Variants in SLCO2A1 observed in about 807,000 individuals in gnomAD.
The protein encoded by SLCO2A1 is matrin F/G 1.
Under a neutral mutation model 71.7 loss-of-function variants are expected in SLCO2A1, and 60 were observed. That is an observed-to-expected ratio of 0.84 (90% CI 0.68 to 1.04). The LOEUF is 1.04. Among genes scored for constraint, SLCO2A1 ranks in the 50% least tolerant of loss-of-function variants. The pLI is 0.00. For missense variants in SLCO2A1, 745 were observed against 813.4 expected, an observed-to-expected ratio of 0.92 and a Z score of 1.02; for synonymous variants, 308 against 326.7, an observed-to-expected ratio of 0.94 and a Z score of 0.62.
intron 1 of SLCO2A1, among the ~76,000 whole-genome samples, chr3:134,026,002 T>C (rs561153563): frequency 1.3e-5 from 2 of 152,268 alleles, no homozygotes; most frequent in East Asian, 3.9e-4. Flanking sequence ...GTTATGTATG[T>C]GGAGGAACTG....
intron 1 of SLCO2A1, among the ~76,000 whole-genome samples, chr3:134,008,927 G>C (rs771128539): frequency 9.9e-5 from 15 of 152,182 alleles, no homozygotes; most frequent in Non-Finnish European, 1.9e-4. Context: ...AATGCAGTGG[G>C]AACAGTGATG....
intron 1 of SLCO2A1, among the ~76,000 whole-genome samples, chr3:134,028,826 G>A (rs888061265): frequency 6.6e-6 from 1 of 152,220 alleles, no homozygotes; most frequent in Non-Finnish European, 1.5e-5. Context: ...TGTTACTTCT[G>A]CCTAGGCAGA....
At chr3:134,021,731 G>A (rs1935583913) in intron 1 of SLCO2A1, among the ~76,000 whole-genome samples, 1 of 151,676 alleles carries the variant, frequency 6.6e-6, no homozygotes, top group Non-Finnish European at 1.5e-5. Context: ...GTCAAAGAGA[G>A]AAAGAAAGAG....
intron 1 of SLCO2A1, among the ~76,000 whole-genome samples, chr3:134,002,221 A>T (rs774005449): frequency 2.6e-4 from 40 of 152,084 alleles, no homozygotes; most frequent in Non-Finnish European, 4.7e-4. Flanking sequence ...TGCTGTGAGC[A>T]CTCCTACAGA....
At chr3:134,007,977 G>A (rs1935252938) in intron 1 of SLCO2A1, among the ~76,000 whole-genome samples, 1 of 152,120 alleles carries the variant, frequency 6.6e-6, no homozygotes, top group African/African-American at 2.4e-5. Context: ...GTAGTAGGAG[G>A]GATTCCATGT....
At position 133,973,677 on chromosome 3, in the gene SLCO2A1, G is replaced by C; in HGVS notation, c.383C>G (p.Thr128Ser). 1.2e-6 allele frequency: 2 copies of C among 1,613,912 alleles called. No individual in the cohort carries two copies. The highest frequency in any genetic ancestry group is 1.7e-4 in the Middle Eastern group (1 of 5,972). Residue 128 changes from threonine to serine, a missense_variant, in exon 3 of 14, where the codon ACC becomes AGC. Transcript: ENST00000310926. ...AAGCCACTCACCAGTGCTGGCCAAG[G>C]TGTACTGGTAGGGCTCGGAGAGGAA... is the stretch of plus-strand genomic sequence containing the variant. ...PHFLSEPYQY[T>S]LASTGNNSRL...
At chr3:133,958,476 G>A (rs1933947085) in intron 3 of SLCO2A1, among the ~76,000 whole-genome samples, 1 of 152,204 alleles carries the variant, frequency 6.6e-6, no homozygotes. Flanking sequence ...GGCTATGCTG[G>A]TCTTTGGAGG....
intron 1 of SLCO2A1, among the ~76,000 whole-genome samples, chr3:134,013,197 T>C (rs975371701): frequency 4.6e-5 from 7 of 152,122 alleles, no homozygotes; most frequent in South Asian, 2.1e-4. Flanking sequence ...GCTCACTGAG[T>C]GAGTGAGGTC....
At chr3:134,009,795 A>C (rs1935294927) in intron 1 of SLCO2A1, among the ~76,000 whole-genome samples, 1 of 152,272 alleles carries the variant, frequency 6.6e-6, no homozygotes. Context: ...GTTATAAAGC[A>C]ATCAAATAGC....
At chr3:134,011,041 T>G (rs1935329514) in intron 1 of SLCO2A1, among the ~76,000 whole-genome samples, 1 of 152,148 alleles carries the variant, frequency 6.6e-6, no homozygotes, top group Non-Finnish European at 1.5e-5. Flanking sequence ...TGTCTGTTTT[T>G]TTTGTTTGTT....
chr3:133,940,643 A>G (rs1043212330), intron 11 of SLCO2A1, among the ~76,000 whole-genome samples: 3 of 152,156 alleles, frequency 2.0e-5, no homozygotes, highest in African/African-American at 4.8e-5. Context: ...CATCTGACCC[A>G]AGGTGCAAGA....
rs913791157 is a variant in SLCO2A1, at chr3:133,998,925, G to A, written c.97-19307C>T. 5 of 152,298 alleles carry A rather than the reference G, an allele frequency of 3.3e-5. No individual in the cohort carries two copies. The East Asian group carries it at 9.6e-4, about 29-fold the overall frequency. 9.4% of individuals were successfully genotyped at this position (152,298 alleles called of 1,614,324 possible). A position where few individuals can be genotyped will look rare whatever the true frequency, so the allele number is the denominator to read the frequency against. ...AGGTGGTGGCAGCTGTCACACTGAC[G>A]TTTTGCCATACCTCCATATCTGGAT... On this transcript the variant is annotated intron_variant, in intron 1 of 13. Transcript: ENST00000310926.
intron 11 of SLCO2A1, among the ~76,000 whole-genome samples, chr3:133,941,915 T>G (rs1933433377): frequency 6.6e-6 from 1 of 152,228 alleles, no homozygotes; most frequent in Non-Finnish European, 1.5e-5. Context: ...ATTTCCATGG[T>G]GTGGAGCCAG....
intron 3 of SLCO2A1, among the ~76,000 whole-genome samples, chr3:133,961,862 A>G (rs1685630112): frequency 6.6e-6 from 1 of 152,126 alleles, no homozygotes; most frequent in Non-Finnish European, 1.5e-5. Flanking sequence ...ACACATATAA[A>G]AAAGGGAACA....
At position 133,962,634 on chromosome 3, in the gene SLCO2A1, G is replaced by A. The variant is rs117876222; in HGVS notation, c.398-7441C>T. On this transcript the variant is annotated intron_variant, in intron 3 of 13. Coordinates refer to ENST00000310926, the MANE Select transcript of SLCO2A1 (RefSeq NM_005630.3). ...CCACTCCACACCTCTCCTCCCTGGAGCAAAAGCTCCAGCCTTTTCAGGAAC... is the reference window on the plus strand; with the variant it reads ...CCACTCCACACCTCTCCTCCCTGGAACAAAAGCTCCAGCCTTTTCAGGAAC... 1.3e-3 allele frequency among the ~76,000 whole-genome samples: 195 copies of A among 152,316 alleles called. 3 individuals carry two copies. In the East Asian group the frequency reaches 0.029, roughly 23 times the overall value.
At chr3:133,988,615 C>CAG (rs1409435277) in intron 1 of SLCO2A1, among the ~76,000 whole-genome samples, 1 of 152,216 alleles carries the variant, frequency 6.6e-6, no homozygotes. Context: ...TATTCGGAGC[C>CAG]AGAGTTTGAC....
chr3:133,975,561 T>C (rs956522934), intron 2 of SLCO2A1, among the ~76,000 whole-genome samples: 4 of 152,022 alleles, frequency 2.6e-5, no homozygotes, highest in Admixed American at 6.6e-5. Flanking sequence ...AACCCTCCAG[T>C]GGAAAAAGGC....
At chr3:134,009,240 G>A (rs985167332) in intron 1 of SLCO2A1, among the ~76,000 whole-genome samples, 1 of 152,200 alleles carries the variant, frequency 6.6e-6, no homozygotes, top group African/African-American at 2.4e-5. Flanking sequence ...TTCACACACA[G>A]TATAGGTACG....
At chr3:133,974,325 T>A (rs1934401842) in intron 2 of SLCO2A1, among the ~76,000 whole-genome samples, 1 of 152,218 alleles carries the variant, frequency 6.6e-6, no homozygotes, top group South Asian at 2.1e-4. Context: ...CATGCTTATC[T>A]CATTTAATCA....
Sources: allele counts gnomAD v4.1 joint callset (sites outside exome capture counted in the v4.1 genomes callset), GRCh38; gene constraint gnomAD v4.1.1; transcripts MANE v1.5; gene names NCBI Gene and HGNC (gene_info 2026-07-23, HGNC 2026-07-21).